The following NKAIN3 variants were observed in gnomAD, a reference collection of about 807,000 sequenced individuals.
The protein encoded by NKAIN3 is sodium/potassium-transporting ATPase subunit beta-1-interacting protein 3.
Under a neutral mutation model 30.2 loss-of-function variants are expected in NKAIN3, and 25 were observed. That is an observed-to-expected ratio of 0.83 (90% CI 0.60 to 1.16). NKAIN3 has a LOEUF of 1.16. Among genes scored for constraint, NKAIN3 ranks in the 50% most tolerant of loss-of-function variants. NKAIN3 has a pLI of 0.00. For missense variants in NKAIN3, 225 were observed against 254.1 expected (o/e 0.89, Z 0.78); for synonymous variants, 91 against 89.6 (o/e 1.02, Z -0.09).
At chr8:62,722,410 T>G (rs1382363648) in intron 3 of NKAIN3, among the ~76,000 whole-genome samples, 1 of 152,128 alleles carries the variant, frequency 6.6e-6, no homozygotes, top group Admixed American at 6.5e-5. Context: ...TTTTGAAGAA[T>G]GAAATAACCC....
intron 1 of NKAIN3, among the ~76,000 whole-genome samples, chr8:62,329,991 G>A (rs1032693796): frequency 5.3e-4 from 81 of 152,112 alleles, no homozygotes; most frequent in African/African-American, 1.8e-3. Context: ...TAGATACCAC[G>A]ACAGCACCTA....
chr8:62,821,564 T>C (rs2130731557), intron 4 of NKAIN3, among the ~76,000 whole-genome samples: 1 of 152,276 alleles, frequency 6.6e-6, no homozygotes, highest in Middle Eastern at 3.4e-3. Flanking sequence ...AAGACAATTC[T>C]GCTTCCCTTT....
intron 3 of NKAIN3, among the ~76,000 whole-genome samples, chr8:62,666,234 AATTC>A (rs955905894): frequency 2.6e-5 from 4 of 151,940 alleles, no homozygotes; most frequent in South Asian, 2.1e-4. Context: ...TTAATTAATT[AATTC>A]ATTCATTCAT....
At chr8:62,673,122 A>G (rs1278803453) in intron 3 of NKAIN3, among the ~76,000 whole-genome samples, 1 of 152,166 alleles carries the variant, frequency 6.6e-6, no homozygotes, top group Non-Finnish European at 1.5e-5. Context: ...GTGGGATTCA[A>G]CTCCATCTTT....
At chr8:62,460,716 T>G (rs1174582437) in intron 1 of NKAIN3, among the ~76,000 whole-genome samples, 1 of 152,178 alleles carries the variant, frequency 6.6e-6, no homozygotes. Flanking sequence ...CTGTCAGTAT[T>G]TGACCTGTCT....
intron 1 of NKAIN3, among the ~76,000 whole-genome samples, chr8:62,329,155 A>G (rs1815250086): frequency 6.6e-6 from 1 of 151,876 alleles, no homozygotes; most frequent in African/African-American, 2.4e-5. Context: ...CCCTGCTGAC[A>G]CTCTAATTGC....
chr8:62,467,051 C>A (rs1025875305), intron 1 of NKAIN3, among the ~76,000 whole-genome samples: 13 of 152,106 alleles, frequency 8.5e-5, no homozygotes, highest in Non-Finnish European at 1.9e-4. Context: ...CGACCTCTCA[C>A]CTCACTTCTT....
At chr8:62,961,635 T>C (rs542598472) in intron 6 of NKAIN3, among the ~76,000 whole-genome samples, 1 of 152,206 alleles carries the variant, frequency 6.6e-6, no homozygotes, top group East Asian at 1.9e-4. Context: ...AACTTCTGTA[T>C]AACCAAAAAA....
At position 62,603,044 on chromosome 8, in the gene NKAIN3, C is replaced by A. The variant is rs1413922984; in HGVS notation, c.273+13250C>A. Among the ~76,000 whole-genome samples the A allele has an allele frequency of 2.0e-5, 3 of 152,076 alleles. No individual in the cohort carries two copies. In the East Asian group the frequency reaches 5.8e-4, roughly 29 times the overall value. Reference sequence around the variant, plus strand: ...AAATGCTTTTCTGTGTTTTTGAAGACAATTTAAAACTACTGCTGCAGAATT... The same window carrying A: ...AAATGCTTTTCTGTGTTTTTGAAGAAAATTTAAAACTACTGCTGCAGAATT... On this transcript the variant is annotated intron_variant, in intron 3 of 6. Transcript: ENST00000623646.
chr8:62,720,397 A>G (rs571724423), intron 3 of NKAIN3, among the ~76,000 whole-genome samples: 1 of 152,214 alleles, frequency 6.6e-6, no homozygotes, highest in African/African-American at 2.4e-5. Flanking sequence ...AGCAGAATTC[A>G]TGGTCATGAG....
intron 1 of NKAIN3, among the ~76,000 whole-genome samples, chr8:62,417,129 C>T (rs1804471819): frequency 6.6e-6 from 1 of 152,038 alleles, no homozygotes; most frequent in South Asian, 2.1e-4. Flanking sequence ...CCTGACTACC[C>T]TTGCCAGCCT....
chr8:62,673,494 A>T (rs1370028589), intron 3 of NKAIN3, among the ~76,000 whole-genome samples: 2 of 152,214 alleles, frequency 1.3e-5, no homozygotes, highest in African/African-American at 4.8e-5. Flanking sequence ...AGTAAATAGC[A>T]GAATATCTAC....
chr8:62,538,571 A>G (rs923437284), intron 1 of NKAIN3, among the ~76,000 whole-genome samples: 16 of 152,212 alleles, frequency 1.1e-4, no homozygotes, highest in African/African-American at 3.9e-4. Flanking sequence ...GTCTATTGCC[A>G]TAAATTTCAC....
chr8:62,746,041 G>C (rs1816058305), intron 3 of NKAIN3, among the ~76,000 whole-genome samples: 2 of 152,204 alleles, frequency 1.3e-5, no homozygotes, highest in Non-Finnish European at 1.5e-5. Context: ...TTAAACCTCA[G>C]AAATTTATTC....
intron 2 of NKAIN3, among the ~76,000 whole-genome samples, chr8:62,584,859 C>A (rs988605641): frequency 3.9e-5 from 6 of 152,336 alleles, no homozygotes; most frequent in African/African-American, 1.4e-4. Context: ...GCTTCGCTAC[C>A]TGTCTTGCCC....
chr8:62,949,620 G>A (rs576962239), intron 5 of NKAIN3, among the ~76,000 whole-genome samples: 13 of 152,300 alleles, frequency 8.5e-5, no homozygotes, highest in Middle Eastern at 3.4e-3. Context: ...CTCTCCAGGG[G>A]ATCTTTGATG....
intron 1 of NKAIN3, among the ~76,000 whole-genome samples, chr8:62,466,284 C>T (rs1806160940): frequency 6.6e-6 from 1 of 152,078 alleles, no homozygotes; most frequent in Non-Finnish European, 1.5e-5. Context: ...TTTTATATGA[C>T]CTATTACTAA....
chr8:62,259,334 G>A (rs768907460), intron 1 of NKAIN3, among the ~76,000 whole-genome samples: 1 of 152,036 alleles, frequency 6.6e-6, no homozygotes, highest in Non-Finnish European at 1.5e-5. Context: ...ATTAGTGGAT[G>A]CTTTGAGGTC....
At chr8:62,295,417 A>T (rs1813793454) in intron 1 of NKAIN3, among the ~76,000 whole-genome samples, 1 of 152,192 alleles carries the variant, frequency 6.6e-6, no homozygotes, top group South Asian at 2.1e-4. Context: ...GATTTCATGC[A>T]ACAACTTGGA....
Sources: gnomAD v4.1 joint callset for allele counts (sites outside exome capture counted in the v4.1 genomes callset) on GRCh38, gnomAD v4.1.1 for gene constraint, MANE v1.5 for transcripts, NCBI Gene and HGNC (gene_info 2026-07-23, HGNC 2026-07-21) for gene names.